The following ZNF469 variants were observed in gnomAD, a reference collection of about 807,000 sequenced individuals.
ZNF469 encodes the protein zinc finger protein 469.
A neutral mutation model predicts 1.0 loss-of-function variants in ZNF469; 1 was observed. The ratio of observed to expected loss-of-function variants is 1.00; its 90% confidence interval spans 0.35 to 4.73. The LOEUF (loss-of-function observed/expected upper bound fraction) is 4.73. ZNF469 is among the 30% of genes most tolerant of loss of function. The pLI, the probability that ZNF469 is intolerant of heterozygous loss-of-function variation, is 0.16. For missense variants in ZNF469, 6,100 were observed against 5,356.3 expected (o/e 1.14, Z -4.33); for synonymous variants, 2,703 against 2,363.4 (o/e 1.14, Z -4.17).
chr16:88,419,349 G>A (rs1043176074), intron 1 of ZNF469, among the ~76,000 whole-genome samples: 2 of 152,232 alleles, frequency 1.3e-5, no homozygotes, highest in Admixed American at 6.5e-5. Context: ...AGGACGGGCC[G>A]GTGCCTCCCA....
chr16:88,325,597 A>T, the ZNF469 span, among the ~76,000 whole-genome samples: 3 of 152,250 alleles, frequency 2.0e-5, no homozygotes, highest in Non-Finnish European at 4.4e-5. Context: ...ACAGTGTCCC[A>T]GGGTGGTAGA....
At chr16:88,168,001 G>A in the ZNF469 span, among the ~76,000 whole-genome samples, 1 of 152,228 alleles carries the variant, frequency 6.6e-6, no homozygotes, top group African/African-American at 2.4e-5. This position sits in a 1 kb window ranked among gnomAD's most constrained non-coding sequence, Gnocchi z 4.3. Flanking sequence ...TTTGGCGGGC[G>A]GGTCCCCCTC....
At position 88,439,098 on chromosome 16, in the gene ZNF469, G is replaced by A; in HGVS notation, c.11628G>A (p.Glu3876=). 3 of 1,550,974 alleles carry A rather than the reference G, an allele frequency of 1.9e-6. No homozygotes were observed. Among genetic ancestry groups the A allele is most frequent in the East Asian group, 2.4e-5 (1 of 40,924 alleles). ...SQNKPRPPPS[E]QRKAEPGHTQ... is the part of the protein sequence containing the mutation. ...ACAAACCCAGGCCGCCACCATCAGAGCAGCGGAAGGCAGAGCCGGGCCACA... is the reference window on the plus strand; with the variant it reads ...ACAAACCCAGGCCGCCACCATCAGAACAGCGGAAGGCAGAGCCGGGCCACA... The change falls in exon 3 of 3, where the codon GAG becomes GAA. Residue 3876 remains glutamate (E), a synonymous_variant. Coordinates refer to ENST00000565624, the MANE Select transcript of ZNF469 (RefSeq NM_001367624.2).
At chr16:88,223,487 G>T in the ZNF469 span, among the ~76,000 whole-genome samples, 2 of 152,200 alleles carry the variant, frequency 1.3e-5, no homozygotes, top group African/African-American at 4.8e-5. Flanking sequence ...AACACCATGT[G>T]GGGTGTTTGC....
chr16:88,118,755 A>C, the ZNF469 span, among the ~76,000 whole-genome samples: 2 of 152,250 alleles, frequency 1.3e-5, no homozygotes, highest in South Asian at 4.1e-4. Flanking sequence ...ATACATGTCA[A>C]AGACTTTATT....
chr16:88,247,936 C>A, the ZNF469 span, among the ~76,000 whole-genome samples: 4 of 152,170 alleles, frequency 2.6e-5, no homozygotes, highest in African/African-American at 9.7e-5. Context: ...AATTGCTGAC[C>A]CTCGGAACGT....
At chr16:88,344,950 C>T in the ZNF469 span, among the ~76,000 whole-genome samples, 1 of 152,196 alleles carries the variant, frequency 6.6e-6, no homozygotes, top group African/African-American at 2.4e-5. Context: ...GTGGCCCCGA[C>T]ATCCCTGACA....
the ZNF469 span, among the ~76,000 whole-genome samples, chr16:88,213,773 G>C: frequency 3.9e-5 from 6 of 152,150 alleles, no homozygotes; most frequent in African/African-American, 1.4e-4. Context: ...TGGCCTTGCT[G>C]TTTCTGGGGG....
the ZNF469 span, among the ~76,000 whole-genome samples, chr16:88,308,506 C>T: frequency 6.6e-6 from 1 of 152,232 alleles, no homozygotes; most frequent in African/African-American, 2.4e-5. Context: ...TTCTTCCCAT[C>T]TCCCCCAGCC....
At chr16:88,130,706 CAAAAAAA>C in the ZNF469 span, among the ~76,000 whole-genome samples, 7 of 103,456 alleles carry the variant, frequency 6.8e-5, no homozygotes, top group African/African-American at 1.7e-4. Context: ...AACTCTGTGT[CAAAAAAA>C]AAAAAAAAAA....
At chr16:88,356,888 G>A in the ZNF469 span, among the ~76,000 whole-genome samples, 23 of 152,110 alleles carry the variant, frequency 1.5e-4, no homozygotes, top group African/African-American at 5.1e-4. Context: ...GCTGAATCCC[G>A]GCTCTCCTGT....
the ZNF469 span, among the ~76,000 whole-genome samples, chr16:88,284,083 T>TGTGGAG: frequency 7.8e-6 from 1 of 127,716 alleles, no homozygotes; most frequent in African/African-American, 3.4e-5. Flanking sequence ...GCCCGAGGTC[T>TGTGGAG]GCGGAGGCTG....
intron 1 of ZNF469, among the ~76,000 whole-genome samples, chr16:88,390,230 G>A (rs1567498437): frequency 6.6e-6 from 1 of 152,288 alleles, no homozygotes. Context: ...GTCTCACAGT[G>A]GGCCCAGCGG....
the ZNF469 span, among the ~76,000 whole-genome samples, chr16:88,358,434 G>T: frequency 2.0e-5 from 3 of 152,108 alleles, no homozygotes; most frequent in African/African-American, 7.2e-5. Context: ...CACACAACTC[G>T]AATGTCTGTA....
In ZNF469 at chr16:88,430,083, G is replaced by C. The variant is rs1057243455; in HGVS notation, c.2613G>C (p.Glu871Asp). ...GCTTCATCGACGTCTTCGCGGACGA[G>C]GAGCCTTCCGGCCCCAGAGGTCCCA... ...DSSFIDVFAD[E>D]EPSGPRGPSS... The change falls in exon 3 of 3, where the codon GAG becomes GAC. Residue 871 changes from glutamate to aspartate, a missense_variant. Coordinates refer to ENST00000565624, the MANE Select transcript of ZNF469 (RefSeq NM_001367624.2). 4 of 1,550,102 alleles carry C rather than the reference G, an allele frequency of 2.6e-6. No homozygotes were observed. The highest frequency in any genetic ancestry group is 1.7e-4 in the Middle Eastern group (1 of 6,014).
chr16:88,303,528 C>A, the ZNF469 span, among the ~76,000 whole-genome samples: 1 of 152,340 alleles, frequency 6.6e-6, no homozygotes, highest in East Asian at 1.9e-4. Flanking sequence ...CCGGGAGGAA[C>A]ATTCTACTTG....
the ZNF469 span, among the ~76,000 whole-genome samples, chr16:88,125,527 G>T: frequency 6.6e-6 from 1 of 152,194 alleles, no homozygotes; most frequent in Non-Finnish European, 1.5e-5. Context: ...TTTGGGAAGG[G>T]TTGCCATCTT....
the ZNF469 span, among the ~76,000 whole-genome samples, chr16:88,310,438 G>T: frequency 6.6e-6 from 1 of 152,110 alleles, no homozygotes; most frequent in Non-Finnish European, 1.5e-5. Context: ...ACACAGCCCT[G>T]CGTGCTGCCC....
At chr16:88,366,310 A>T in the ZNF469 span, among the ~76,000 whole-genome samples, 27 of 151,846 alleles carry the variant, frequency 1.8e-4, no homozygotes, top group African/African-American at 6.5e-4. Context: ...CACCATCATC[A>T]CTATCACCGT....
Sources: allele counts gnomAD v4.1 joint callset (sites outside exome capture counted in the v4.1 genomes callset), GRCh38; gene constraint gnomAD v4.1.1; non-coding constraint Gnocchi (gnomAD v3.1); transcripts MANE v1.5; gene names NCBI Gene and HGNC (gene_info 2026-07-23, HGNC 2026-07-21).